MATN2: variants seen among roughly 807,000 people sequenced by gnomAD.
The protein encoded by MATN2 is matrilin-2.
Under a neutral mutation model 103.2 loss-of-function variants are expected in MATN2, and 69 were observed. The observed-to-expected ratio is 0.67, with a 90% CI of 0.55 to 0.82. The LOEUF is 0.82. Among genes scored for constraint, MATN2 ranks in the 40% least tolerant of loss-of-function variants. The pLI is 0.00. For missense variants in MATN2, 1,023 were observed against 1,211.5 expected (o/e 0.84, Z 2.31); for synonymous variants, 429 against 450.2 (o/e 0.95, Z 0.60).
intron 1 of MATN2, among the ~76,000 whole-genome samples, chr8:97,878,539 C>T (rs1480502752): frequency 2.7e-5 from 4 of 149,928 alleles, no homozygotes; most frequent in Non-Finnish European, 3.0e-5. Flanking sequence ...ATGCAAGACT[C>T]TGTCTCAAAA....
intron 7 of MATN2, among the ~76,000 whole-genome samples, chr8:97,999,731 C>G (rs1812715744): frequency 6.6e-6 from 1 of 152,114 alleles, no homozygotes; most frequent in Non-Finnish European, 1.5e-5. Flanking sequence ...AAGGTGATGT[C>G]TTTTCTTCTA....
At chr8:97,993,330 C>A (rs1422738183) in intron 6 of MATN2, among the ~76,000 whole-genome samples, 1 of 151,966 alleles carries the variant, frequency 6.6e-6, no homozygotes, top group Admixed American at 6.6e-5. Flanking sequence ...ATAATAAAAA[C>A]CCTCATCAAA....
At chr8:97,936,896 G>C (rs12334367) in intron 3 of MATN2, among the ~76,000 whole-genome samples, 25,976 of 152,224 alleles carry the variant, frequency 0.17, 2,417 homozygotes, top group East Asian at 0.25. Flanking sequence ...CTAGTTTAGT[G>C]AAGGTGTTTG....
chr8:97,968,991 G>C (rs772117178), intron 5 of MATN2, among the ~76,000 whole-genome samples: 1 of 152,228 alleles, frequency 6.6e-6, no homozygotes, highest in South Asian at 2.1e-4. Context: ...AGTTCTGCAG[G>C]CTGTACAAGA....
chr8:98,030,038 G>A (rs1006994755), intron 14 of MATN2, among the ~76,000 whole-genome samples: 5 of 152,222 alleles, frequency 3.3e-5, no homozygotes, highest in East Asian at 3.9e-4. Flanking sequence ...GGTCACTTAC[G>A]TTTCCTACCC....
chr8:97,877,363 G>A (rs1818112147), intron 1 of MATN2, among the ~76,000 whole-genome samples: 1 of 151,908 alleles, frequency 6.6e-6, no homozygotes, highest in Non-Finnish European at 1.5e-5. Flanking sequence ...TGTAATCCCA[G>A]CTACTCTGGA....
intron 5 of MATN2, among the ~76,000 whole-genome samples, chr8:97,969,325 A>G (rs1811583726): frequency 6.6e-6 from 1 of 152,250 alleles, no homozygotes; most frequent in African/African-American, 2.4e-5. Context: ...ATCACTAAGC[A>G]CATATCTTTA....
At chr8:97,914,746 A>G (rs999527894) in intron 2 of MATN2, among the ~76,000 whole-genome samples, 5 of 152,062 alleles carry the variant, frequency 3.3e-5, no homozygotes, top group African/African-American at 1.2e-4. Context: ...GCCTTGCCAC[A>G]TCACCTGTGG....
chr8:98,017,993 G>A lies in MATN2; in HGVS notation c.1697-1G>A. ...GTTGTAACTTGCTCTCCTGTCTTCAGGGAAAGATGTCTGCCAAGCTATAGA... is the reference window on the plus strand; with the variant it reads ...GTTGTAACTTGCTCTCCTGTCTTCAAGGAAAGATGTCTGCCAAGCTATAGA... On this transcript the variant is annotated splice_acceptor_variant, in intron 11 of 18. Transcript: ENST00000254898. LOFTEE classifies it high-confidence loss of function. 6.2e-7 allele frequency: 1 copy of A among 1,613,254 alleles called. No individual in the cohort carries two copies. The highest frequency in any genetic ancestry group is 8.5e-7 in the Non-Finnish European group (1 of 1,179,496).
chr8:97,993,713 A>G (rs558173832), intron 6 of MATN2, among the ~76,000 whole-genome samples: 1 of 151,966 alleles, frequency 6.6e-6, no homozygotes, highest in Non-Finnish European at 1.5e-5. Flanking sequence ...TATGCCTTTC[A>G]CTCCTAGGCC....
At chr8:97,967,653 G>C (rs369442403) in intron 5 of MATN2, among the ~76,000 whole-genome samples, 82 of 152,352 alleles carry the variant, frequency 5.4e-4, no homozygotes, top group African/African-American at 1.9e-3. Context: ...CAGGTGCAAG[G>C]GGTGGGCCCC....
chr8:97,889,615 TGTATTTTTAGTAGAGATGG>T (rs1008568120), intron 2 of MATN2, among the ~76,000 whole-genome samples: 3 of 151,760 alleles, frequency 2.0e-5, no homozygotes, highest in African/African-American at 7.3e-5. Context: ...AGCTAATTTT[TGTATTTTTAGTAGAGATGG>T]GGTTTTGCCA....
At chr8:97,953,704 C>T (rs1286988882) in intron 4 of MATN2, among the ~76,000 whole-genome samples, 3 of 151,370 alleles carry the variant, frequency 2.0e-5, no homozygotes, top group South Asian at 2.1e-4. Context: ...GCATGAGAAT[C>T]GCTTGAACCT....
At chr8:97,912,592 A>T (rs1204270751) in intron 2 of MATN2, among the ~76,000 whole-genome samples, 2 of 152,196 alleles carry the variant, frequency 1.3e-5, no homozygotes, top group Non-Finnish European at 2.9e-5. Context: ...GAGGATGAGT[A>T]CAAGTCTGTG....
At chr8:97,909,224 T>G (rs1020865292) in intron 2 of MATN2, among the ~76,000 whole-genome samples, 4 of 152,240 alleles carry the variant, frequency 2.6e-5, no homozygotes, top group African/African-American at 7.2e-5. Flanking sequence ...TGAGACACCA[T>G]GCCCAGCCTC....
chr8:97,941,219 C>T (rs766026401), intron 3 of MATN2, among the ~76,000 whole-genome samples: 3 of 142,956 alleles, frequency 2.1e-5, no homozygotes, highest in Non-Finnish European at 3.1e-5. Flanking sequence ...AAATAGGTAT[C>T]TTAAATTGAG....
In MATN2 at chr8:97,978,948, T is replaced by C. The variant is rs1811932931; in HGVS notation, c.1021T>C (p.Ser341Pro). ...ACATGAGTGTGTAAATGCTGATGGC[T>C]CCTACCTTTGCCAGTGCCATGAAGG... Reference protein sequence around the residue: ...CEHECVNADGSYLCQCHEGFA... With the variant: ...CEHECVNADGPYLCQCHEGFA... The change falls in exon 6 of 19, where the codon TCC (serine) becomes CCC (proline). Residue 341 changes from serine to proline, a missense_variant. Physicochemically the swap from Ser to Pro is moderately conservative, Grantham distance 74 (BLOSUM62 -1). Coordinates refer to ENST00000254898, the MANE Select transcript of MATN2 (RefSeq NM_002380.5). 1 of 1,613,668 alleles carries C rather than the reference T, an allele frequency of 6.2e-7. No individual in the cohort carries two copies. Among genetic ancestry groups the C allele is most frequent in the South Asian group, 1.1e-5 (1 of 91,078 alleles).
At chr8:98,034,801 G>A (rs773382275) in intron 18 of MATN2, among the ~76,000 whole-genome samples, 10 of 151,676 alleles carry the variant, frequency 6.6e-5, no homozygotes, top group Non-Finnish European at 1.0e-4. Context: ...TTCCAAGGCC[G>A]AATTCTTTCA....
Position 97,922,070 on chromosome 8 carries a change from A to G in MATN2, c.143-8883A>G, listed in dbSNP as rs142371965. ...GCACACTCCTTATGAAAATCTAACT[A>G]ATGCCTGATGATCTGAGGTGAAACA... On this transcript the variant is annotated intron_variant, in intron 2 of 18. Transcript: ENST00000254898. Among the ~76,000 whole-genome samples, 713 of 152,170 alleles carry G rather than the reference A, an allele frequency of 4.7e-3. 4 individuals are homozygous for G. The highest frequency in any genetic ancestry group is 0.011 in the Admixed American group (171 of 15,288).
Sources: gnomAD v4.1 joint callset for allele counts (sites outside exome capture counted in the v4.1 genomes callset) on GRCh38, gnomAD v4.1.1 for gene constraint, MANE v1.5 for transcripts, NCBI Gene and HGNC (gene_info 2026-07-23, HGNC 2026-07-21) for gene names.